The following POLR3H variants were observed in gnomAD, a reference collection of about 807,000 sequenced individuals.
The protein encoded by POLR3H is RNA polymerase III subunit H.
POLR3H carries 17 observed loss-of-function variants against 25.5 expected under a neutral mutation model. The ratio of observed to expected loss-of-function variants is 0.67; its 90% CI spans 0.46 to 1.00. The LOEUF (loss-of-function observed/expected upper bound fraction) is 1.00, where lower values mean the gene tolerates loss of function less well. POLR3H is among the 50% of genes least tolerant of loss of function. The pLI is 0.00. For missense variants in POLR3H, 274 were observed against 265.0 expected, an observed-to-expected ratio of 1.03 and a Z score of -0.24; for synonymous variants, 129 against 103.0, an observed-to-expected ratio of 1.25 and a Z score of -1.53.
chr22:41,542,669 C>T (rs1458723510), intron 1 of POLR3H, among the ~76,000 whole-genome samples: 1 of 152,176 alleles, frequency 6.6e-6, no homozygotes, highest in Non-Finnish European at 1.5e-5. Context: ...TGCTTTCCCA[C>T]CACACTATAG....
chr22:41,538,624 G>T (rs2066885080), intron 2 of POLR3H, among the ~76,000 whole-genome samples: 1 of 152,100 alleles, frequency 6.6e-6, no homozygotes, highest in African/African-American at 2.4e-5. Flanking sequence ...TTGTCTCCTG[G>T]ACAACCAAGG....
Position 41,526,467 on chromosome 22 carries a change from G to A in POLR3H, c.*2816C>T, listed in dbSNP as rs1056554122. 6.2e-7 allele frequency: 1 copy of A among 1,606,066 alleles called. No individual in the cohort carries two copies. Among genetic ancestry groups the A allele is most frequent in the Non-Finnish European group, 8.5e-7 (1 of 1,174,722 alleles). ...CGCTACTACAAGGTGGGTCAGAGTT[G>A]ATAGGGGCAATGCCAGTGGTCACTC... On this transcript the variant is annotated 3_prime_UTR_variant, in exon 6 of 6. Coordinates refer to ENST00000355209, the MANE Select transcript of POLR3H (RefSeq NM_001018050.4).
At chr22:41,536,737 G>A (rs568842978) in intron 2 of POLR3H, among the ~76,000 whole-genome samples, 5 of 151,684 alleles carry the variant, frequency 3.3e-5, no homozygotes, top group African/African-American at 7.3e-5. Context: ...GTGGTGGTGG[G>A]CACCTGTAAT....
rs770894599 is a variant in POLR3H, at chr22:41,532,183, C to G, written c.296-26G>C. ...CTGGAAGGAAGGAAGCAGGTGACGG[C>G]CTGAGATGGGGGTCCCAGTGGACGC... is the stretch of plus-strand genomic sequence containing the variant. On this transcript the variant is annotated intron_variant, in intron 3 of 5. Coordinates refer to ENST00000355209, the MANE Select transcript of POLR3H (RefSeq NM_001018050.4). 7.4e-6 allele frequency: 12 copies of G among 1,611,158 alleles called. No individual in the cohort carries two copies. In the South Asian group the frequency reaches 1.1e-4, roughly 15 times the overall value.
chr22:41,528,734 G>A lies in POLR3H; in HGVS notation c.*549C>T. 2 of 1,387,766 alleles carry A rather than the reference G, an allele frequency of 1.4e-6. No homozygotes were observed. The highest frequency in any genetic ancestry group is 1.9e-6 in the Non-Finnish European group (2 of 1,039,746). 86.0% of individuals were successfully genotyped at this position (1,387,766 alleles called of 1,614,324 possible). A position where few individuals can be genotyped will look rare whatever the true frequency, so the allele number is the denominator to read the frequency against. ...GATGGTGTGACCAGACATGCTTCCT[G>A]CTCCCCGCTTAGCCCACGGAGTGAC... On this transcript the variant is annotated 3_prime_UTR_variant, in exon 6 of 6. Transcript: ENST00000355209.
rs536677577 is a variant in POLR3H at position 41,527,795 on chromosome 22, C to T, written c.*1488G>A. 1 of 1,565,786 alleles carries T rather than the reference C, an allele frequency of 6.4e-7. No homozygotes were observed. Among genetic ancestry groups the T allele is most frequent in the Non-Finnish European group, 8.7e-7 (1 of 1,154,308 alleles). ...CATAGTCACTGCCCGGGCATTGTCC[C>T]AGGCAGCAGGATTAGGGGCATCTCC... On this transcript the variant is annotated 3_prime_UTR_variant, in exon 6 of 6. Transcript: ENST00000355209.
chr22:41,533,264 A>C (rs2066778278), intron 2 of POLR3H, among the ~76,000 whole-genome samples: 1 of 152,136 alleles, frequency 6.6e-6, no homozygotes, highest in Non-Finnish European at 1.5e-5. Flanking sequence ...TGCAAGGAAA[A>C]CACCAGGTGG....
In POLR3H at chr22:41,528,049, G is replaced by C; in HGVS notation, c.*1234C>G. 4 of 1,613,798 alleles carry C rather than the reference G, an allele frequency of 2.5e-6. No homozygotes were observed. The highest frequency in any genetic ancestry group is 3.4e-6 in the Non-Finnish European group (4 of 1,179,968). On this transcript the variant is annotated 3_prime_UTR_variant, in exon 6 of 6. Transcript: ENST00000355209. Reference sequence around the variant, plus strand: ...TTAGGGGCCCGGGTCCCCCTGAGGTGGTGGGGTGAGGGGCAGCCACCTTGT... The same window carrying C: ...TTAGGGGCCCGGGTCCCCCTGAGGTCGTGGGGTGAGGGGCAGCCACCTTGT...
At position 41,527,198 on chromosome 22, in the gene POLR3H, G is replaced by C. The variant is rs529991686; in HGVS notation, c.*2085C>G. 12 of 1,594,386 alleles carry C rather than the reference G, an allele frequency of 7.5e-6. No homozygotes were observed. In the African/African-American group the frequency reaches 1.6e-4, roughly 21 times the overall value. On this transcript the variant is annotated 3_prime_UTR_variant, in exon 6 of 6. Coordinates refer to ENST00000355209, the MANE Select transcript of POLR3H (RefSeq NM_001018050.4). ...ACCGGGAGCCTCAGGATGCCCAGGC[G>C]CCAGGTGGGTGAGGCCAGGCAGGTA... is the stretch of plus-strand genomic sequence containing the variant.
At chr22:41,530,960 C>G in intron 4 of POLR3H, 72 bp from the exon 5 acceptor site, 1 of 1,481,626 alleles carries the variant, frequency 6.7e-7, no homozygotes, top group Non-Finnish European at 9.3e-7. Context: ...CTCCCCGACC[C>G]CGCAGGAAAA....
At chr22:41,533,166 T>C (rs1354307843) in intron 2 of POLR3H, among the ~76,000 whole-genome samples, 2 of 152,196 alleles carry the variant, frequency 1.3e-5, no homozygotes, top group East Asian at 3.8e-4. Context: ...AAAAATGCCC[T>C]GGTGTTGTGA....
Position 41,526,548 on chromosome 22 carries a change from A to G in POLR3H, c.*2735T>C, listed in dbSNP as rs2066600683. 7 of 1,405,060 alleles carry G rather than the reference A, an allele frequency of 5.0e-6. No homozygotes were observed. The highest frequency in any genetic ancestry group is 6.7e-6 in the Non-Finnish European group (7 of 1,042,026). The allele number at this position is 1,405,060 out of a possible 1,614,324, so 87.0% of individuals were successfully genotyped here. ...GGACATTAGGGGAGTGGAAACTGGG[A>G]AGGAGGCCGACCAAGCCCAAAGGGG... On this transcript the variant is annotated 3_prime_UTR_variant, in exon 6 of 6. Coordinates refer to ENST00000355209, the MANE Select transcript of POLR3H (RefSeq NM_001018050.4).
At chr22:41,538,104 T>G (rs1446217760) in intron 2 of POLR3H, among the ~76,000 whole-genome samples, 1 of 151,742 alleles carries the variant, frequency 6.6e-6, no homozygotes, top group Non-Finnish European at 1.5e-5. Flanking sequence ...TAGCTGGGAT[T>G]ACAGACATGT....
chr22:41,529,253 G>A lies in POLR3H; in HGVS notation c.*30C>T. On this transcript the variant is annotated 3_prime_UTR_variant, in exon 6 of 6. Transcript: ENST00000355209. ...AGCCGGCCATACCACCTTCCCGCAG[G>A]CTGGTAGGGTCCACTGTCCAGCCCC... The A allele has an allele frequency of 6.2e-7, 1 of 1,602,118 alleles. No homozygotes were observed. Among genetic ancestry groups the A allele is most frequent in the South Asian group, 1.1e-5 (1 of 90,478 alleles).
chr22:41,538,781 C>T (rs2066887328), intron 2 of POLR3H, among the ~76,000 whole-genome samples: 3 of 152,188 alleles, frequency 2.0e-5, no homozygotes, highest in African/African-American at 7.2e-5. Context: ...TCTTCGGCCT[C>T]TCGGCGTACC....
rs1707862991 is a variant in POLR3H at position 41,526,983 on chromosome 22, C to T, written c.*2300G>A. The T allele has an allele frequency of 1.5e-5, 7 of 474,762 alleles. No individual in the cohort carries two copies. The highest frequency in any genetic ancestry group is 5.7e-4 in the Middle Eastern group (1 of 1,768). 29.4% of individuals were successfully genotyped at this position (474,762 alleles called of 1,614,324 possible). A position where few individuals can be genotyped will look rare whatever the true frequency, so the allele number is the denominator to read the frequency against. On this transcript the variant is annotated 3_prime_UTR_variant, in exon 6 of 6. Coordinates refer to ENST00000355209, the MANE Select transcript of POLR3H (RefSeq NM_001018050.4). ...TGCATCTTGTGTGGGGCCCGGAGGC[C>T]GTCCCTGTCTCACCCAACCTCCCTC... is the stretch of plus-strand genomic sequence containing the variant.
At position 41,526,695 on chromosome 22, in the gene POLR3H, A is replaced by C. The variant is rs942234265; in HGVS notation, c.*2588T>G. The C allele has an allele frequency of 1.3e-5, 6 of 472,042 alleles. No individual in the cohort carries two copies. Among genetic ancestry groups the C allele is most frequent in the Non-Finnish European group, 2.3e-5 (6 of 265,144 alleles). The allele number at this position is 472,042 out of a possible 1,614,324, so 29.2% of individuals were successfully genotyped here. A position where few individuals can be genotyped will look rare whatever the true frequency, so the allele number is the denominator to read the frequency against. ...AGGAGTTAGTGAGAGATATCTTAGG[A>C]TATCTGGCCCTAGACAAAGACAAGG... is the stretch of plus-strand genomic sequence containing the variant. On this transcript the variant is annotated 3_prime_UTR_variant, in exon 6 of 6. Transcript: ENST00000355209.
chr22:41,533,416 T>C, intron 2 of POLR3H: 5 of 925,108 alleles, frequency 5.4e-6, no homozygotes, highest in Non-Finnish European at 7.0e-6. Flanking sequence ...CCCCTGCTGG[T>C]TACCAACAGA....
intron 2 of POLR3H, chr22:41,540,424 G>A: frequency 4.4e-6 from 2 of 456,520 alleles, no homozygotes; most frequent in East Asian, 9.2e-5. Flanking sequence ...GCCGATTCAG[G>A]ATGAGGCCCC....
Sources: allele counts gnomAD v4.1 joint callset (sites outside exome capture counted in the v4.1 genomes callset), GRCh38; gene constraint gnomAD v4.1.1; transcripts MANE v1.5; gene names NCBI Gene and HGNC (gene_info 2026-07-23, HGNC 2026-07-21).